The following HELZ variants were observed in gnomAD, a reference collection of about 807,000 sequenced individuals.
HELZ encodes ATP-dependent RNA helicase with zinc finger domain.
Under a neutral mutation model 218.2 loss-of-function variants are expected in HELZ, and 23 were observed. The observed-to-expected ratio is 0.11, with a 90% CI of 0.08 to 0.15. The LOEUF is 0.15. Among genes scored for constraint, HELZ ranks in the 10% least tolerant of loss-of-function variants. HELZ has a pLI of 1.00. For synonymous variants in HELZ, 814 were observed against 829.4 expected, an observed-to-expected ratio of 0.98 and a Z score of 0.32; for missense variants, 1,813 against 2,353.7, an observed-to-expected ratio of 0.77 and a Z score of 4.75.
Position 67,148,619 on chromosome 17 carries a change from T to C in HELZ, c.2571A>G (p.Pro857=). The C allele has an allele frequency of 2.5e-6, 4 of 1,613,866 alleles. No individual in the cohort carries two copies. The highest frequency in any genetic ancestry group is 3.4e-6 in the Non-Finnish European group (4 of 1,179,862). ...AGTTCTCACACAGGAGAATCCTACA[T>C]GGGAACTCAGCAGGGTAATGCTCAT... ...RLYEHYPAEF[P]CRILLCENYR... Residue 857 remains proline (P), a synonymous_variant, in exon 20 of 33, where the codon CCA becomes CCG. Transcript: ENST00000358691.
intron 3 of HELZ, among the ~76,000 whole-genome samples, chr17:67,222,012 T>C (rs1260611707): frequency 6.6e-6 from 1 of 152,068 alleles, no homozygotes; most frequent in Non-Finnish European, 1.5e-5. Context: ...TAATTTTTTT[T>C]TTATTTTTTT....
chr17:67,135,745 C>T (rs1183422736), intron 23 of HELZ, among the ~76,000 whole-genome samples: 1 of 152,158 alleles, frequency 6.6e-6, no homozygotes, highest in East Asian at 1.9e-4. Context: ...TGCTTAGAAC[C>T]TAGAAGTCAC....
Position 67,245,158 on chromosome 17 carries a change from T to C in HELZ, c.-142A>G. The stretch of plus-strand genomic sequence containing the variant: ...GAAGTCAGGACTTACCTGTCATTAC[T>C]TTCTACGCCATCTTGGATCCACTTG... On this transcript the variant is annotated 5_prime_UTR_variant, in exon 1 of 33. Transcript: ENST00000358691. 2 of 985,202 alleles carry C rather than the reference T, an allele frequency of 2.0e-6. No homozygotes were observed. The highest frequency in any genetic ancestry group is 9.4e-5 in the South Asian group (2 of 21,290). 61.0% of individuals were successfully genotyped at this position (985,202 alleles called of 1,614,324 possible).
At chr17:67,083,256 T>C (rs1051557861) in intron 32 of HELZ, among the ~76,000 whole-genome samples, 1 of 152,216 alleles carries the variant, frequency 6.6e-6, no homozygotes, top group African/African-American at 2.4e-5. Context: ...GAATACAAGA[T>C]TGCTACTAAT....
chr17:67,120,884 T>C (rs1396850958), intron 26 of HELZ, among the ~76,000 whole-genome samples: 4 of 152,234 alleles, frequency 2.6e-5, no homozygotes, highest in African/African-American at 9.6e-5. Context: ...TTAAAATTGG[T>C]AATTATTCCT....
intron 3 of HELZ, among the ~76,000 whole-genome samples, chr17:67,220,492 CTTTTT>C (rs1567903964): frequency 6.6e-6 from 1 of 151,856 alleles, no homozygotes; most frequent in African/African-American, 2.4e-5. Flanking sequence ...AATTTTAACA[CTTTTT>C]TTTGAGACAG....
intron 17 of HELZ, among the ~76,000 whole-genome samples, chr17:67,156,999 T>G (rs1189235207): frequency 3.9e-5 from 6 of 152,038 alleles, no homozygotes; most frequent in Non-Finnish European, 7.4e-5. Context: ...TGCTCTGAAA[T>G]CTGGTCTTAA....
intron 5 of HELZ, among the ~76,000 whole-genome samples, chr17:67,210,774 T>C (rs1490728456): frequency 6.6e-6 from 1 of 152,012 alleles, no homozygotes; most frequent in African/African-American, 2.4e-5. Context: ...ATACAAAAAT[T>C]AGCTGGGCGT....
intron 13 of HELZ, among the ~76,000 whole-genome samples, chr17:67,175,770 A>C (rs2039438369): frequency 6.6e-6 from 1 of 152,244 alleles, no homozygotes; most frequent in East Asian, 1.9e-4. Flanking sequence ...ACTACTTGTC[A>C]CATGTTAGGC....
chr17:67,157,975 T>C (rs1478189167), intron 17 of HELZ, among the ~76,000 whole-genome samples: 1 of 152,196 alleles, frequency 6.6e-6, no homozygotes, highest in Non-Finnish European at 1.5e-5. Context: ...CTATTCCATT[T>C]TAAAATCTTC....
intron 13 of HELZ, among the ~76,000 whole-genome samples, chr17:67,169,951 C>A (rs1270844631): frequency 6.6e-6 from 1 of 152,162 alleles, no homozygotes; most frequent in Non-Finnish European, 1.5e-5. Context: ...AGTCCAAAAT[C>A]CAAAAGGGAA....
chr17:67,215,371 C>T (rs1255397428), intron 5 of HELZ, among the ~76,000 whole-genome samples: 31 of 139,590 alleles, frequency 2.2e-4, no homozygotes, highest in African/African-American at 6.1e-4. Context: ...TTTTTTGAGA[C>T]GTAGTCTCAC....
intron 31 of HELZ, among the ~76,000 whole-genome samples, chr17:67,104,220 G>C (rs2037019927): frequency 6.6e-6 from 1 of 151,926 alleles, no homozygotes; most frequent in East Asian, 1.9e-4. Context: ...AGATCACGAG[G>C]TCAGGAGATT....
Position 67,178,707 on chromosome 17 carries a change from T to C in HELZ, c.1382A>G (p.His461Arg). Reference sequence around the variant, plus strand: ...TATCTCCTCAATATAAAGAAGGTCATGTAACCGTGACTGATAGTTGCTCTT... The same window carrying C: ...TATCTCCTCAATATAAAGAAGGTCACGTAACCGTGACTGATAGTTGCTCTT... ...LTKSNYQSRL[H>R]DLLYIEEIAQ... is the part of the protein sequence containing the mutation. The change falls in exon 13 of 33, where the codon CAT becomes CGT. Residue 461 changes from histidine (H) to arginine (R), a missense_variant. His to Arg is a conservative substitution (Grantham distance 29). Coordinates refer to ENST00000358691, the MANE Select transcript of HELZ (RefSeq NM_014877.4). 1 of 1,613,856 alleles carries C rather than the reference T, an allele frequency of 6.2e-7. No individual in the cohort carries two copies. The highest frequency in any genetic ancestry group is 8.5e-7 in the Non-Finnish European group (1 of 1,179,806).
At chr17:67,106,452 C>T (rs1033944109) in intron 31 of HELZ, among the ~76,000 whole-genome samples, 2 of 151,542 alleles carry the variant, frequency 1.3e-5, no homozygotes, top group Admixed American at 6.6e-5. Context: ...GGACTACAGG[C>T]GCCCGCCACC....
chr17:67,202,551 TAG>T (rs1462237967), intron 6 of HELZ, among the ~76,000 whole-genome samples: 1 of 152,188 alleles, frequency 6.6e-6, no homozygotes, highest in Non-Finnish European at 1.5e-5. Flanking sequence ...AAAGTCTGAA[TAG>T]AGTTAGCTAG....
intron 32 of HELZ, among the ~76,000 whole-genome samples, chr17:67,079,164 A>G (rs1340916624): frequency 6.6e-6 from 1 of 152,128 alleles, no homozygotes; most frequent in Non-Finnish European, 1.5e-5. Context: ...ATCCTTCCTA[A>G]CCAATTTTAT....
At chr17:67,079,142 AAATTTGACTCCATCCTTCCTAACC>A (rs1200591632) in intron 32 of HELZ, among the ~76,000 whole-genome samples, 2 of 152,234 alleles carry the variant, frequency 1.3e-5, no homozygotes, top group African/African-American at 4.8e-5. Flanking sequence ...AGGTCCCTTA[AAATTTGACTCCATCCTTCCTAACC>A]AATTTTATTG....
chr17:67,079,957 C>T (rs1375679682), intron 32 of HELZ, among the ~76,000 whole-genome samples: 1 of 152,038 alleles, frequency 6.6e-6, no homozygotes. Context: ...ATATTTTTAC[C>T]TGTTTTGTGA....
Sources: gnomAD v4.1 joint callset for allele counts (sites outside exome capture counted in the v4.1 genomes callset) on GRCh38, gnomAD v4.1.1 for gene constraint, MANE v1.5 for transcripts, NCBI Gene and HGNC (gene_info 2026-07-23, HGNC 2026-07-21) for gene names.